Variants in DOCK11 observed in about 807,000 individuals in gnomAD.
DOCK11 encodes dedicator of cytokinesis 11.
In DOCK11, 70 loss-of-function variants were observed where a neutral mutation model predicts 169.1. That is an observed-to-expected ratio of 0.41 (90% CI 0.34 to 0.51). The LOEUF (loss-of-function observed/expected upper bound fraction) is 0.51. Among genes scored for constraint, DOCK11 ranks in the 20% least tolerant of loss-of-function variants. The probability of loss-of-function intolerance (pLI) is 0.10; values close to 1 mark genes in which losing one functional copy is unlikely to be tolerated. For missense variants in DOCK11, 1,166 were observed against 1,538.8 expected (o/e 0.76, Z 4.05); for synonymous variants, 529 against 541.3 (o/e 0.98, Z 0.32).
intron 32 of DOCK11, among the ~76,000 whole-genome samples, chrX:118,627,248 ACTGTACCAGTTGCAG>A (rs754135792): frequency 0.061 from 6,677 of 109,947 alleles, 193 homozygotes; most frequent in Non-Finnish European, 0.08. Flanking sequence ...AACAAAAAAG[ACTGTACCAGTTGCAG>A]CTGTACCAGT....
At chrX:118,548,699 A>G (rs915652652) in intron 6 of DOCK11, among the ~76,000 whole-genome samples, 1 of 111,978 alleles carries the variant, frequency 8.9e-6, no homozygotes, top group African/African-American at 3.2e-5. Context: ...CCCATGCAGC[A>G]TCCAGAAAGG....
At chrX:118,620,091 C>T (rs941433318) in intron 31 of DOCK11, among the ~76,000 whole-genome samples, 5 of 111,161 alleles carry the variant, frequency 4.5e-5, no homozygotes, top group Non-Finnish European at 9.4e-5. Flanking sequence ...GCTGGGATTA[C>T]AGGCGTGAGC....
At chrX:118,600,923 G>GT (rs759702295) in intron 23 of DOCK11, among the ~76,000 whole-genome samples, 3 of 111,138 alleles carry the variant, frequency 2.7e-5, no homozygotes, top group African/African-American at 3.3e-5. Context: ...AGCTTGTCGA[G>GT]TAAGGCTTCA....
At chrX:118,500,302 T>C (rs12857169) in intron 1 of DOCK11, among the ~76,000 whole-genome samples, 10,153 of 110,435 alleles carry the variant, frequency 0.092, 395 homozygotes, top group African/African-American at 0.12. Context: ...CCCGCCTCGG[T>C]CTCTCAAAGT....
chrX:118,627,869 A>G lies in DOCK11; in HGVS notation c.3664+290A>G, dbSNP rs749033802. 8.8e-4 allele frequency among the ~76,000 whole-genome samples: 99 copies of G among 111,989 alleles called. No individual in the cohort carries two copies. The South Asian group carries it at 0.036, about 41-fold the overall frequency. On this transcript the variant is annotated intron_variant, in intron 33 of 52. Coordinates refer to ENST00000276202, the MANE Select transcript of DOCK11 (RefSeq NM_144658.4). ...AGTTTTAAGCCAGATACTCCCATCT[A>G]TGGGCTCAAGTTTCCTTGTCTATAA...
rs543418121 is a variant in DOCK11 at position 118,520,558 on chromosome X, T to C, written c.103-22167T>C. 4.4e-5 allele frequency among the ~76,000 whole-genome samples: 5 copies of C among 112,390 alleles called. No homozygotes were observed. The Admixed American group carries it at 4.7e-4, about 11-fold the overall frequency. On this transcript the variant is annotated intron_variant, in intron 1 of 52. Coordinates refer to ENST00000276202, the MANE Select transcript of DOCK11 (RefSeq NM_144658.4). ...AGTGCTGGGAGATGGATTGCATTCC[T>C]GTACTTCTTAAAACCCATGTCCTTG... is the stretch of plus-strand genomic sequence containing the variant.
At chrX:118,542,035 G>A (rs2012024238) in intron 1 of DOCK11, among the ~76,000 whole-genome samples, 1 of 111,744 alleles carries the variant, frequency 8.9e-6, no homozygotes, top group Admixed American at 9.5e-5. Flanking sequence ...CTCCTCCAAC[G>A]TTGCCCAGAG....
Position 118,561,373 on chromosome X carries a change from C to A in DOCK11, c.559-10C>A. 1 of 1,176,408 alleles carries A rather than the reference C, an allele frequency of 8.5e-7. No homozygotes were observed. Among genetic ancestry groups the A allele is most frequent in the Non-Finnish European group, 1.1e-6 (1 of 878,378 alleles). ...AACAAATGTATCATTGCTGGGTTTT[C>A]CCCATGTAGGTATTCAAGAGACGAT... On this transcript the variant is annotated splice_polypyrimidine_tract_variant and intron_variant, in intron 6 of 52. Transcript: ENST00000276202.
Position 118,609,265 on chromosome X carries a change from C to CTT in DOCK11, c.2878-5_2878-4dup. 8.7e-7 allele frequency: 1 copy of CTT among 1,151,749 alleles called. No homozygotes were observed. The highest frequency in any genetic ancestry group is 2.3e-5 in the Admixed American group (1 of 42,562). The allele number at this position is 1,151,749 out of a possible 1,213,427, so 94.9% of individuals were successfully genotyped here. On this transcript the variant is annotated splice_polypyrimidine_tract_variant and intron_variant, in intron 26 of 52. Transcript: ENST00000276202. ...TTGGTAACCGTTAAAGATTCTCTTT[C>CTT]TTTTTTTTTCAGTACTCATGGTTTT...
chrX:118,545,411 G>A lies in DOCK11; in HGVS notation c.462+19G>A. 4 of 1,137,885 alleles carry A rather than the reference G, an allele frequency of 3.5e-6. No homozygotes were observed. Among genetic ancestry groups the A allele is most frequent in the Non-Finnish European group, 4.7e-6 (4 of 843,162 alleles). 93.8% of individuals were successfully genotyped at this position (1,137,885 alleles called of 1,213,427 possible). ...AGATGAGGTAAGAATGGGGGCAACA[G>A]TTGGGGTAACTGTGCTAGTTTCCTC... On this transcript the variant is annotated intron_variant, in intron 5 of 52. Coordinates refer to ENST00000276202, the MANE Select transcript of DOCK11 (RefSeq NM_144658.4).
intron 41 of DOCK11, 38 bp from the exon 42 acceptor site, chrX:118,651,924 CAA>C (rs1449294605): frequency 9.8e-7 from 1 of 1,017,572 alleles, no homozygotes; most frequent in Non-Finnish European, 1.4e-6. Context: ...AGCATTTGTT[CAA>C]AAGTTATTTG....
chrX:118,653,313 T>A (rs2015990083), intron 42 of DOCK11, among the ~76,000 whole-genome samples: 1 of 112,001 alleles, frequency 8.9e-6, no homozygotes, highest in Non-Finnish European at 1.9e-5. Flanking sequence ...TTTCCCCTGG[T>A]AAATGGGATC....
At chrX:118,638,040 T>C (rs1356867671) in intron 36 of DOCK11, 40 bp from the exon 37 acceptor site, 1 of 1,078,074 alleles carries the variant, frequency 9.3e-7, no homozygotes, top group Non-Finnish European at 1.3e-6. Flanking sequence ...CTGTAGAGGA[T>C]GTTAATATAT....
intron 1 of DOCK11, among the ~76,000 whole-genome samples, chrX:118,531,453 A>C (rs1410860053): frequency 1.3e-5 from 1 of 79,081 alleles, no homozygotes; most frequent in Admixed American, 1.5e-4. Context: ...AAAAAAAAAC[A>C]GGAAGTGAAG....
chrX:118,496,981 C>CT (rs2057542866), intron 1 of DOCK11, among the ~76,000 whole-genome samples: 1 of 112,431 alleles, frequency 8.9e-6, no homozygotes, highest in Non-Finnish European at 1.9e-5. Context: ...TGGAGAAAGG[C>CT]TAAAGGGTGC....
At chrX:118,634,598 G>A (rs1301374524) in intron 35 of DOCK11, among the ~76,000 whole-genome samples, 1 of 112,876 alleles carries the variant, frequency 8.9e-6, no homozygotes, top group Non-Finnish European at 1.9e-5. Flanking sequence ...AGGCAGTGGC[G>A]CAGCAAGCTG....
At chrX:118,579,514 GA>G (rs1319880373) in intron 13 of DOCK11, among the ~76,000 whole-genome samples, 1 of 112,004 alleles carries the variant, frequency 8.9e-6, no homozygotes, top group Non-Finnish European at 1.9e-5. Context: ...ATTTGTGGAG[GA>G]AAAATGTCTC....
At chrX:118,630,866 C>G (rs1569435254) in intron 35 of DOCK11, among the ~76,000 whole-genome samples, 1 of 111,645 alleles carries the variant, frequency 9.0e-6, no homozygotes, top group Non-Finnish European at 1.9e-5. Flanking sequence ...TTATTTAACC[C>G]AGGATTTGAC....
chrX:118,628,140 G>A (rs773170127), intron 33 of DOCK11, 23 bp from the exon 34 acceptor site: 1 of 1,077,379 alleles, frequency 9.3e-7, no homozygotes, highest in Non-Finnish European at 1.3e-6. Flanking sequence ...GCCAACAAGG[G>A]CTTGACTTTT....
Sources: allele counts gnomAD v4.1 joint callset (sites outside exome capture counted in the v4.1 genomes callset), GRCh38; gene constraint gnomAD v4.1.1; transcripts MANE v1.5; gene names NCBI Gene and HGNC (gene_info 2026-07-23, HGNC 2026-07-21).